Variants in STAU1 observed in about 807,000 individuals in gnomAD.
STAU1 encodes staufen double-stranded RNA binding protein 1.
A neutral mutation model predicts 62.9 loss-of-function variants in STAU1; 13 were observed. The observed-to-expected ratio is 0.21, with a 90% CI of 0.13 to 0.33. The LOEUF is 0.33. Ranked by LOEUF, STAU1 falls within the 10% of genes least tolerant of loss-of-function variation. The pLI, the probability that STAU1 is intolerant of heterozygous loss-of-function variation, is 1.00. For synonymous variants in STAU1, 269 were observed against 265.1 expected, an observed-to-expected ratio of 1.01 and a Z score of -0.14; for missense variants, 571 against 712.1, an observed-to-expected ratio of 0.80 and a Z score of 2.25.
the STAU1 span, among the ~76,000 whole-genome samples, chr20:49,202,662 C>T: frequency 1.3e-5 from 2 of 152,056 alleles, no homozygotes; most frequent in African/African-American, 2.4e-5. Flanking sequence ...GCAGGAGGAT[C>T]GCTTTAGCTC....
chr20:49,130,510 T>G (rs1260220400), intron 6 of STAU1, among the ~76,000 whole-genome samples: 1 of 152,086 alleles, frequency 6.6e-6, no homozygotes, highest in Non-Finnish European at 1.5e-5. Flanking sequence ...TGGGGGCATG[T>G]TAAAGGGCAC....
intron 3 of STAU1, among the ~76,000 whole-genome samples, chr20:49,165,160 T>C (rs2093506140): frequency 6.6e-6 from 1 of 152,020 alleles, no homozygotes; most frequent in South Asian, 2.1e-4. Flanking sequence ...TTCTTCTATA[T>C]CAGCCTCCCG....
At chr20:49,132,317 T>G (rs1302113974) in intron 6 of STAU1, among the ~76,000 whole-genome samples, 4 of 152,198 alleles carry the variant, frequency 2.6e-5, no homozygotes, top group African/African-American at 9.7e-5. Context: ...CTCCAACGGC[T>G]TGCATTGTCT....
intron 3 of STAU1, among the ~76,000 whole-genome samples, chr20:49,155,233 C>G (rs1448285946): frequency 6.6e-6 from 1 of 152,180 alleles, no homozygotes; most frequent in Admixed American, 6.5e-5. Flanking sequence ...ACAGAAGTCA[C>G]ACAAGGCCCA....
chr20:49,150,757 C>G (rs1391593471), intron 5 of STAU1, among the ~76,000 whole-genome samples: 1 of 152,122 alleles, frequency 6.6e-6, no homozygotes, highest in African/African-American at 2.4e-5. Flanking sequence ...AGACACGATG[C>G]TGTGATTTCT....
intron 2 of STAU1, among the ~76,000 whole-genome samples, 168 bp downstream of exon 2, chr20:49,174,027 T>G (rs1265319811): frequency 6.6e-6 from 1 of 152,234 alleles, no homozygotes; most frequent in East Asian, 1.9e-4. Flanking sequence ...TTCCTGTACT[T>G]ACTTTCTAAT....
chr20:49,133,290 G>C (rs1411984367), intron 6 of STAU1, among the ~76,000 whole-genome samples: 2 of 152,196 alleles, frequency 1.3e-5, no homozygotes, highest in African/African-American at 4.8e-5. Flanking sequence ...GTAGCAGCAA[G>C]AGTGAGCAGG....
At position 49,147,965 on chromosome 20, in the gene STAU1, C is replaced by T. The variant is rs145597839; in HGVS notation, c.510+3617G>A. Among the ~76,000 whole-genome samples the T allele has an allele frequency of 2.3e-3, 351 of 152,216 alleles. 1 individual carries two copies. Among genetic ancestry groups the T allele is most frequent in the African/African-American group, 8.3e-3 (343 of 41,540 alleles). On this transcript the variant is annotated intron_variant, in intron 5 of 13. Coordinates refer to ENST00000371856, the MANE Select transcript of STAU1 (RefSeq NM_017453.4). ...ACACCAAATGGTTACAGTGATTATC[C>T]GCAAGTGGTAAATTTATAAATCATT...
chr20:49,143,988 A>G (rs1845258119), intron 5 of STAU1, among the ~76,000 whole-genome samples: 1 of 152,258 alleles, frequency 6.6e-6, no homozygotes, highest in African/African-American at 2.4e-5. Context: ...ACAGGACTTC[A>G]GATTCTTCGT....
At chr20:49,145,188 G>A (rs1269702473) in intron 5 of STAU1, among the ~76,000 whole-genome samples, 13 of 152,150 alleles carry the variant, frequency 8.5e-5, no homozygotes, top group Admixed American at 8.5e-4. Context: ...CACTTTGGGA[G>A]GCTGAGGCGG....
intron 5 of STAU1, among the ~76,000 whole-genome samples, chr20:49,146,206 C>T (rs951219023): frequency 9.9e-5 from 15 of 151,944 alleles, no homozygotes; most frequent in African/African-American, 3.4e-4. Flanking sequence ...GCGGAGGTTG[C>T]AGTGAGCCAA....
chr20:49,166,452 G>C (rs1479497092), intron 2 of STAU1, among the ~76,000 whole-genome samples, 167 bp from the exon 3 acceptor site: 1 of 152,150 alleles, frequency 6.6e-6, no homozygotes, highest in Non-Finnish European at 1.5e-5. Flanking sequence ...TATACAGTAA[G>C]TTTCTTGGCC....
intron 3 of STAU1, among the ~76,000 whole-genome samples, chr20:49,156,492 C>T (rs2093359082): frequency 6.6e-6 from 1 of 152,116 alleles, no homozygotes; most frequent in African/African-American, 2.4e-5. Context: ...TTGAAAGGTA[C>T]CTGTTTGGCC....
chr20:49,145,527 T>C (rs1057329504), intron 5 of STAU1, among the ~76,000 whole-genome samples: 3 of 147,574 alleles, frequency 2.0e-5, no homozygotes, highest in Admixed American at 6.8e-5. Flanking sequence ...GGTCAGGAGA[T>C]TGAGACCATC....
chr20:49,114,586 T>G lies in STAU1; in HGVS notation c.*292A>C. ...GGAGGTGCCCAGGGTGTGGATCTGC[T>G]GGTGTCCCGGGAGAACCAGCTGGCT... On this transcript the variant is annotated 3_prime_UTR_variant, in exon 14 of 14. Transcript: ENST00000371856. 2.4e-6 allele frequency: 1 copy of G among 409,984 alleles called. No homozygotes were observed. 25.4% of individuals were successfully genotyped at this position (409,984 alleles called of 1,614,324 possible). A position where few individuals can be genotyped will look rare whatever the true frequency, so the allele number is the denominator to read the frequency against.
At chr20:49,180,973 A>G (rs1254666357) in intron 1 of STAU1, among the ~76,000 whole-genome samples, 2 of 152,182 alleles carry the variant, frequency 1.3e-5, no homozygotes, top group Non-Finnish European at 2.9e-5. Context: ...AGCATGGTTC[A>G]GTGGAAAGAA....
At chr20:49,162,647 G>A (rs2093466585) in intron 3 of STAU1, among the ~76,000 whole-genome samples, 1 of 151,660 alleles carries the variant, frequency 6.6e-6, no homozygotes. Context: ...ATGGTGGCGG[G>A]CGCCTGTAGT....
upstream of STAU1, among the ~76,000 whole-genome samples, chr20:49,189,619 C>CAAAAAAA (rs71186430): frequency 3.6e-5 from 2 of 55,330 alleles, no homozygotes; most frequent in Non-Finnish European, 6.7e-5. Context: ...GACTCTGTCT[C>CAAAAAAA]AAAAAAAAAA....
chr20:49,180,213 C>A (rs1158171316), intron 1 of STAU1, among the ~76,000 whole-genome samples: 2 of 152,130 alleles, frequency 1.3e-5, no homozygotes, highest in Non-Finnish European at 2.9e-5. Flanking sequence ...CAGCACCTAT[C>A]CTATAAAGTT....
Sources: gnomAD v4.1 joint callset for allele counts (sites outside exome capture counted in the v4.1 genomes callset) on GRCh38, gnomAD v4.1.1 for gene constraint, MANE v1.5 for transcripts, NCBI Gene and HGNC (gene_info 2026-07-23, HGNC 2026-07-21) for gene names.